Variants in INSL6 observed in about 807,000 individuals in gnomAD.
INSL6 encodes the protein insulin-like peptide INSL6.
In INSL6, 16 loss-of-function variants were observed where a neutral mutation model predicts 9.4. The ratio of observed to expected loss-of-function variants is 1.70; its 90% CI spans 1.15 to 2.59. INSL6 has a LOEUF of 2.59. INSL6 is among the 30% of genes most tolerant of loss of function. The pLI is 0.00. For missense variants in INSL6, 391 were observed against 257.3 expected (o/e 1.52, Z -3.56); for synonymous variants, 154 against 96.9 (o/e 1.59, Z -3.46).
At chr9:5,088,278 A>G in the INSL6 span, among the ~76,000 whole-genome samples, 2 of 152,162 alleles carry the variant, frequency 1.3e-5, no homozygotes, top group East Asian at 3.9e-4. Flanking sequence ...TAAACTGTGT[A>G]ATTAAGAGAT....
the INSL6 span, among the ~76,000 whole-genome samples, chr9:5,018,967 G>C: frequency 2.0e-5 from 3 of 151,940 alleles, no homozygotes; most frequent in Non-Finnish European, 4.4e-5. Flanking sequence ...ACAAGCTGTT[G>C]TCTCTGACAA....
At chr9:5,077,298 G>A in the INSL6 span, among the ~76,000 whole-genome samples, 13 of 150,806 alleles carry the variant, frequency 8.6e-5, no homozygotes, top group African/African-American at 2.9e-4. Flanking sequence ...AAAATATAAT[G>A]CTGTGTATCC....
intron 2 of INSL6, among the ~76,000 whole-genome samples, chr9:5,144,271 T>C (rs767036093): frequency 6.6e-6 from 1 of 152,208 alleles, no homozygotes. Flanking sequence ...CCAAAAGCCA[T>C]TCAGGAGCAG....
chr9:5,020,695 C>G, the INSL6 span, among the ~76,000 whole-genome samples: 2 of 152,160 alleles, frequency 1.3e-5, no homozygotes, highest in Non-Finnish European at 2.9e-5. Flanking sequence ...GGTGGTAGAG[C>G]TTGTCCTCAG....
At chr9:5,091,070 A>G in the INSL6 span, 2 of 543,656 alleles carry the variant, frequency 3.7e-6, no homozygotes, top group East Asian at 6.4e-5. Context: ...TCTTATAGTC[A>G]TGGTTATAGT....
downstream of INSL6, among the ~76,000 whole-genome samples, chr9:5,162,604 C>T (rs564073595): frequency 6.6e-6 from 1 of 152,332 alleles, no homozygotes; most frequent in East Asian, 1.9e-4. Context: ...AGCAGACCTA[C>T]TCTACCACTG....
At chr9:5,139,710 C>G (rs1256852643) in intron 2 of INSL6, among the ~76,000 whole-genome samples, 1 of 152,180 alleles carries the variant, frequency 6.6e-6, no homozygotes, top group African/African-American at 2.4e-5. Flanking sequence ...GTTAGCTTGA[C>G]TTGCTCACAT....
chr9:5,021,469 A>T, the INSL6 span, among the ~76,000 whole-genome samples: 18 of 152,284 alleles, frequency 1.2e-4, no homozygotes, highest in East Asian at 3.1e-3. Context: ...TGTCCACAGG[A>T]AGTTTAAAAT....
chr9:5,128,457 C>G (rs1288467756), intron 3 of INSL6, among the ~76,000 whole-genome samples: 3 of 151,800 alleles, frequency 2.0e-5, no homozygotes, highest in Admixed American at 1.3e-4. Context: ...TTCCATTTTA[C>G]TACCTTTCAA....
At chr9:5,117,167 C>G in the INSL6 span, among the ~76,000 whole-genome samples, 3 of 152,186 alleles carry the variant, frequency 2.0e-5, no homozygotes, top group Non-Finnish European at 4.4e-5. Flanking sequence ...CTGCCAGCAC[C>G]TTTATCATGG....
chr9:5,064,525 CAA>C, the INSL6 span, among the ~76,000 whole-genome samples: 12 of 84,636 alleles, frequency 1.4e-4, no homozygotes, highest in Admixed American at 3.7e-4. Flanking sequence ...GCAAGACTCT[CAA>C]AAAAAAAAAA....
At chr9:5,136,876 C>T (rs186831295) in intron 2 of INSL6, among the ~76,000 whole-genome samples, 84 of 152,266 alleles carry the variant, frequency 5.5e-4, no homozygotes, top group African/African-American at 1.9e-3. Context: ...AAAACCCCAT[C>T]GTCTCAGCCC....
chr9:5,177,034 T>C (rs1388451041), intron 1 of INSL6, among the ~76,000 whole-genome samples: 1 of 152,072 alleles, frequency 6.6e-6, no homozygotes, highest in Non-Finnish European at 1.5e-5. Flanking sequence ...TTTCATGACT[T>C]TGATTAGGAT....
intron 1 of INSL6, among the ~76,000 whole-genome samples, chr9:5,165,681 A>T (rs1166661143): frequency 6.6e-6 from 1 of 152,208 alleles, no homozygotes; most frequent in Non-Finnish European, 1.5e-5. Context: ...AATATAAAGA[A>T]ATAGAGAAGT....
intron 1 of INSL6, among the ~76,000 whole-genome samples, chr9:5,170,530 C>T (rs1825156203): frequency 6.8e-6 from 1 of 147,772 alleles, no homozygotes; most frequent in Non-Finnish European, 1.5e-5. Context: ...ACGAAAAACC[C>T]TTCAAACAAT....
At chr9:5,077,287 A>G in the INSL6 span, among the ~76,000 whole-genome samples, 1 of 150,868 alleles carries the variant, frequency 6.6e-6, no homozygotes, top group Non-Finnish European at 1.5e-5. Context: ...ACTAAAAACC[A>G]AAAATATAAT....
intron 2 of INSL6, among the ~76,000 whole-genome samples, chr9:5,155,987 A>G (rs1277657460): frequency 3.3e-5 from 5 of 152,180 alleles, no homozygotes; most frequent in Admixed American, 3.3e-4. Flanking sequence ...GTAAAAAAGA[A>G]AAACCACACA....
downstream of INSL6, among the ~76,000 whole-genome samples, chr9:5,162,838 A>G (rs1824955836): frequency 6.6e-6 from 1 of 152,248 alleles, no homozygotes; most frequent in South Asian, 2.1e-4. Context: ...TACATTTCAG[A>G]AAGAAACTAG....
chr9:5,114,281 G>A, the INSL6 span: 2 of 543,388 alleles, frequency 3.7e-6, no homozygotes. Flanking sequence ...CACCCAGCAA[G>A]GAGAACGTGA....
Sources: gnomAD v4.1 joint callset for allele counts (sites outside exome capture counted in the v4.1 genomes callset) on GRCh38, gnomAD v4.1.1 for gene constraint, MANE v1.5 for transcripts, NCBI Gene and HGNC (gene_info 2026-07-23, HGNC 2026-07-21) for gene names.